The following PALM2AKAP2 variants were observed in gnomAD, a reference collection of about 807,000 sequenced individuals.
PALM2AKAP2 encodes PALM2-AKAP2 fusion protein.
A neutral mutation model predicts 71.5 loss-of-function variants in PALM2AKAP2; 37 were observed. The ratio of observed to expected loss-of-function variants is 0.52; its 90% CI spans 0.40 to 0.68. The LOEUF (loss-of-function observed/expected upper bound fraction) is 0.68. Ranked by LOEUF, PALM2AKAP2 falls within the 30% of genes least tolerant of loss-of-function variation. PALM2AKAP2 has a pLI of 0.00. For missense variants in PALM2AKAP2, 1,224 were observed against 1,191.8 expected, an observed-to-expected ratio of 1.03 and a Z score of -0.40; for synonymous variants, 468 against 478.8, an observed-to-expected ratio of 0.98 and a Z score of 0.29.
chr9:110,156,312 G>C lies in PALM2AKAP2; in HGVS notation c.2570-7G>C. 1 of 1,565,684 alleles carries C rather than the reference G, an allele frequency of 6.4e-7. No individual in the cohort carries two copies. The highest frequency in any genetic ancestry group is 8.6e-7 in the Non-Finnish European group (1 of 1,156,352). ...TTAGAAAGGGTATTTTCTTCGTGTTGTTTCAGGGAAAATAGAGAAAGTCAA... is the reference window on the plus strand; with the variant it reads ...TTAGAAAGGGTATTTTCTTCGTGTTCTTTCAGGGAAAATAGAGAAAGTCAA... On this transcript the variant is annotated splice_region_variant and splice_polypyrimidine_tract_variant and intron_variant, in intron 2 of 3. Transcript: ENST00000374525.
chr9:109,979,876 A>G (rs956409175), intron 6 of PALM2AKAP2, among the ~76,000 whole-genome samples: 1 of 152,192 alleles, frequency 6.6e-6, no homozygotes, highest in Non-Finnish European at 1.5e-5. Flanking sequence ...AGTGAATATG[A>G]TTTAGATCTG....
At chr9:109,850,706 C>A (rs1828985713) in intron 1 of PALM2AKAP2, among the ~76,000 whole-genome samples, 1 of 152,086 alleles carries the variant, frequency 6.6e-6, no homozygotes, top group Non-Finnish European at 1.5e-5. Flanking sequence ...GATTTAACTG[C>A]AAAAATAGAA....
In PALM2AKAP2 at chr9:110,028,175, G is replaced by A. The variant is rs1833215621; in HGVS notation, c.582+12136G>A. Among the ~76,000 whole-genome samples, 4 of 152,186 alleles carry A rather than the reference G, an allele frequency of 2.6e-5. No individual in the cohort carries two copies. In the South Asian group the frequency reaches 8.3e-4, roughly 32 times the overall value. On this transcript the variant is annotated intron_variant, in intron 7 of 9. Coordinates refer to the PALM2AKAP2 transcript ENST00000302798. ...GAATTTTCTTTAAAATGAATATGAAGAGCTCTGTTGTAAACTGTAATAAAC... is the reference window on the plus strand; with the variant it reads ...GAATTTTCTTTAAAATGAATATGAAAAGCTCTGTTGTAAACTGTAATAAAC...
At chr9:109,729,947 A>C (rs1035709847) in intron 1 of PALM2AKAP2, among the ~76,000 whole-genome samples, 1 of 152,246 alleles carries the variant, frequency 6.6e-6, no homozygotes, top group Non-Finnish European at 1.5e-5. Flanking sequence ...CTGATTGCTC[A>C]TTGCTGAGTT....
chr9:109,832,850 C>T (rs1828342153), intron 1 of PALM2AKAP2, among the ~76,000 whole-genome samples: 1 of 152,168 alleles, frequency 6.6e-6, no homozygotes, highest in South Asian at 2.1e-4. Flanking sequence ...TCAGAGAGGC[C>T]AGCGGGGCAG....
intron 1 of PALM2AKAP2, among the ~76,000 whole-genome samples, chr9:109,710,176 C>T (rs1344712934): frequency 1.3e-5 from 2 of 152,350 alleles, no homozygotes; most frequent in African/African-American, 4.8e-5. Context: ...ATCGTGCCAA[C>T]ACCTTAGGAC....
chr9:109,661,983 A>G (rs1381273889), intron 1 of PALM2AKAP2, among the ~76,000 whole-genome samples: 5 of 152,066 alleles, frequency 3.3e-5, no homozygotes, highest in Non-Finnish European at 7.4e-5. Flanking sequence ...TTAATGGTGT[A>G]TAAGAATGCT....
intron 2 of PALM2AKAP2, among the ~76,000 whole-genome samples, chr9:109,878,815 G>A (rs1829775991): frequency 1.3e-5 from 2 of 152,126 alleles, no homozygotes; most frequent in East Asian, 1.9e-4. Context: ...TCAGCCCACT[G>A]CAACCTCTGC....
Position 110,105,850 on chromosome 9 carries a change from T to C in PALM2AKAP2, c.157-30277T>C, listed in dbSNP as rs1196990975. ...AGCTAGTTAATTTTGCGTTTAAGTC[T>C]ATGTGATTTTCATTCTAATGTCTTT... On this transcript the variant is annotated intron_variant, in intron 1 of 3. Transcript: ENST00000374525. Among the ~76,000 whole-genome samples the C allele has an allele frequency of 5.3e-5, 8 of 152,246 alleles. No individual in the cohort carries two copies. In the South Asian group the frequency reaches 1.7e-3, roughly 32 times the overall value.
intron 3 of PALM2AKAP2, 81 bp from the exon 4 acceptor site, chr9:109,923,654 G>T (rs933403610): frequency 7.0e-7 from 1 of 1,429,404 alleles, no homozygotes; most frequent in East Asian, 2.6e-5. Flanking sequence ...GGTACAAATC[G>T]CCCAACAGGA....
intron 1 of PALM2AKAP2, among the ~76,000 whole-genome samples, chr9:109,666,616 C>T (rs758753658): frequency 6.6e-6 from 1 of 152,180 alleles, no homozygotes; most frequent in African/African-American, 2.4e-5. Flanking sequence ...TGCTTTATGC[C>T]GTTGCTCTTG....
chr9:109,728,176 A>C (rs537127068), intron 1 of PALM2AKAP2, among the ~76,000 whole-genome samples: 1 of 152,270 alleles, frequency 6.6e-6, no homozygotes, highest in East Asian at 1.9e-4. Flanking sequence ...AGAACTTTCT[A>C]TCAGGAAAAT....
Position 109,879,440 on chromosome 9 carries a change from T to C in PALM2AKAP2, c.127-1111T>C, listed in dbSNP as rs528777928. Among the ~76,000 whole-genome samples, 6 of 152,358 alleles carry C rather than the reference T, an allele frequency of 3.9e-5. No individual in the cohort carries two copies. The South Asian group carries it at 1.0e-3, about 26-fold the overall frequency. On this transcript the variant is annotated intron_variant, in intron 2 of 9. Transcript: ENST00000302798. ...GCCCATGGGCATGGTCACTGGTCCT[T>C]AGCCATGATGTACAGGGTCAGTAGC...
Position 109,737,709 on chromosome 9 carries a change from A to C in PALM2AKAP2, c.6-42779A>C, listed in dbSNP as rs569310344. ...AACAATAACTAGTTAGCACACAGTC[A>C]ATTAGTTATTTTTCATCCTACATTG... On this transcript the variant is annotated intron_variant, in intron 1 of 6. Transcript: ENST00000374531. Among the ~76,000 whole-genome samples, 6 of 152,354 alleles carry C rather than the reference A, an allele frequency of 3.9e-5. No individual in the cohort carries two copies. In the South Asian group the frequency reaches 1.2e-3, roughly 32 times the overall value.
intron 1 of PALM2AKAP2, among the ~76,000 whole-genome samples, chr9:110,062,278 G>T (rs769252700): frequency 6.6e-6 from 1 of 151,666 alleles, no homozygotes; most frequent in African/African-American, 2.4e-5. Flanking sequence ...AGTGTGTGTT[G>T]TTCCCTTCCC....
At chr9:109,988,293 A>G (rs1057198460) in intron 6 of PALM2AKAP2, among the ~76,000 whole-genome samples, 1 of 152,180 alleles carries the variant, frequency 6.6e-6, no homozygotes, top group Non-Finnish European at 1.5e-5. Context: ...AGAATGAGTT[A>G]GTTTGTTTTC....
chr9:109,702,243 A>G (rs1194013368), intron 1 of PALM2AKAP2, among the ~76,000 whole-genome samples: 2 of 152,322 alleles, frequency 1.3e-5, no homozygotes, highest in East Asian at 3.9e-4. Context: ...ATTACTGGGT[A>G]TATACCCAAA....
At chr9:109,710,723 G>A (rs868381160) in intron 1 of PALM2AKAP2, among the ~76,000 whole-genome samples, 18 of 152,182 alleles carry the variant, frequency 1.2e-4, no homozygotes, top group Middle Eastern at 6.8e-3. Flanking sequence ...CCTCACCTTG[G>A]GTAACTGGTA....
chr9:110,154,077 A>G (rs1241061357), intron 2 of PALM2AKAP2, among the ~76,000 whole-genome samples: 1 of 152,216 alleles, frequency 6.6e-6, no homozygotes, highest in Non-Finnish European at 1.5e-5. Context: ...TATGCAGAAT[A>G]TGCATGAAAT....
Sources: gnomAD v4.1 joint callset for allele counts (sites outside exome capture counted in the v4.1 genomes callset) on GRCh38, gnomAD v4.1.1 for gene constraint, MANE v1.5 for transcripts, NCBI Gene and HGNC (gene_info 2026-07-23, HGNC 2026-07-21) for gene names.